Variants in SYNPO2L observed in about 807,000 individuals in gnomAD.
The protein encoded by SYNPO2L is synaptopodin 2-like protein.
In SYNPO2L, 34 loss-of-function variants were observed where a neutral mutation model predicts 47.5. That is an observed-to-expected ratio of 0.72 (90% CI 0.54 to 0.95). The LOEUF (loss-of-function observed/expected upper bound fraction) is 0.95, where lower values mean the gene tolerates loss of function less well. Among genes scored for constraint, SYNPO2L ranks in the 40% least tolerant of loss-of-function variants. SYNPO2L has a pLI of 0.00. For missense variants in SYNPO2L, 1,246 were observed against 1,282.0 expected, an observed-to-expected ratio of 0.97 and a Z score of 0.43; for synonymous variants, 536 against 524.9, an observed-to-expected ratio of 1.02 and a Z score of -0.29.
chr10:73,647,745 A>G lies in SYNPO2L; in HGVS notation c.1907T>C (p.Met636Thr), dbSNP rs978401458. Residue 636 changes from methionine to threonine, a missense_variant, in exon 4 of 4, where the codon ATG becomes ACG. Physicochemically the swap from Met to Thr is moderately conservative, Grantham distance 81 (BLOSUM62 -1). Coordinates refer to ENST00000394810, the MANE Select transcript of SYNPO2L (RefSeq NM_001114133.3). ...EARRRGTRKQMFRPGKEETKN... is the reference protein window; with the variant it reads ...EARRRGTRKQTFRPGKEETKN... The stretch of plus-strand genomic sequence containing the variant: ...CGTCTCCTCCTTTCCCGGCCGGAAC[A>G]TCTGCTTCCGGGTCCCCCGGCGCCG... The G allele has an allele frequency of 6.2e-7, 1 of 1,613,928 alleles. No individual in the cohort carries two copies. The highest frequency in any genetic ancestry group is 8.5e-7 in the Non-Finnish European group (1 of 1,179,896).
intron 2 of SYNPO2L, 105 bp from the exon 3 acceptor site, chr10:73,653,758 G>A: frequency 7.3e-7 from 1 of 1,378,944 alleles, no homozygotes; most frequent in Non-Finnish European, 9.6e-7. Flanking sequence ...AAGAGGTAAG[G>A]GAGAGAGAAG....
Position 73,655,871 on chromosome 10 carries a change from C to T in SYNPO2L, c.52G>A (p.Gly18Ser), listed in dbSNP as rs1489282964. The change falls in exon 1 of 4, where the codon GGC becomes AGC. Residue 18 changes from glycine to serine, a missense_variant. Physicochemically the swap from Gly to Ser is moderately conservative, Grantham distance 56. Around this residue, in one of 3 missense-constraint regions of SYNPO2L, gnomAD observed 61 missense variants for 55.6 expected, o/e 1.10. Transcript: ENST00000394810. ...LVTLSGGAPW[G>S]FRLHGGAEQR... ...TCGGCCCCCCCATGAAGTCGGAAGC[C>T]CCAGGGGGCTCCCCCTGATAGTGTG... 6.4e-7 allele frequency: 1 copy of T among 1,551,326 alleles called. No homozygotes were observed. Among genetic ancestry groups the T allele is most frequent in the Admixed American group, 2.0e-5 (1 of 50,954 alleles).
At chr10:73,649,590 C>T (rs995131343) in intron 3 of SYNPO2L, 4 of 465,748 alleles carry the variant, frequency 8.6e-6, no homozygotes, top group African/African-American at 8.5e-5. Flanking sequence ...CCCCAGCTTA[C>T]ATACAGCTCC....
Position 73,647,784 on chromosome 10 carries a change from A to T in SYNPO2L, c.1868T>A (p.Ile623Asn). ...RISVPAARTGILQEARRRGTR... is the reference protein window; with the variant it reads ...RISVPAARTGNLQEARRRGTR... ...CCCCCGGCGCCGGGCCTCCTGCAGG[A>T]TACCCGTGCGGGCAGCTGGCACAGA... Residue 623 changes from isoleucine (I) to asparagine (N), a missense_variant, in exon 4 of 4, where the codon ATC (isoleucine) becomes AAC (asparagine). Transcript: ENST00000394810. 6.2e-7 allele frequency: 1 copy of T among 1,612,198 alleles called. No individual in the cohort carries two copies. The highest frequency in any genetic ancestry group is 8.5e-7 in the Non-Finnish European group (1 of 1,178,786).
In SYNPO2L at chr10:73,653,220, G is replaced by A; in HGVS notation, c.691C>T (p.Leu231Phe). The A allele has an allele frequency of 6.6e-7, 1 of 1,512,304 alleles. No homozygotes were observed. Among genetic ancestry groups the A allele is most frequent in the South Asian group, 1.3e-5 (1 of 77,294 alleles). The allele number at this position is 1,512,304 out of a possible 1,614,324, so 93.7% of individuals were successfully genotyped here. ...PHGPLRPGPH[L>F]IPMVGPVPHP... ...GGAACAGGCCCCACCATAGGGATGA[G>A]ATGAGGACCAGGTCGGAGGGGGCCA... The change falls in exon 3 of 4, where the codon CTC becomes TTC. Residue 231 changes from leucine to phenylalanine, a missense_variant. By Grantham distance (22) the Leu-to-Phe change is conservative. This residue lies in a region of SYNPO2L where 1,037 missense variants were observed against 1,021.5 expected (regional missense o/e 1.02). Coordinates refer to ENST00000394810, the MANE Select transcript of SYNPO2L (RefSeq NM_001114133.3).
chr10:73,651,082 T>C lies in SYNPO2L; in HGVS notation c.772+2057A>G, dbSNP rs947115119. On this transcript the variant is annotated intron_variant, in intron 3 of 3. Transcript: ENST00000394810. ...CACGCCTTTTAAAGCCCCTTTGTCT[T>C]GTCCCCAGAGCTGGCAGCTGAATGA... 4 of 1,505,904 alleles carry C rather than the reference T, an allele frequency of 2.7e-6. No individual in the cohort carries two copies. In the Admixed American group the frequency reaches 8.8e-5, roughly 33 times the overall value. The allele number at this position is 1,505,904 out of a possible 1,614,324, so 93.3% of individuals were successfully genotyped here. A position where few individuals can be genotyped will look rare whatever the true frequency, so the allele number is the denominator to read the frequency against.
At chr10:73,649,830 C>T in intron 3 of SYNPO2L, 1 of 985,410 alleles carries the variant, frequency 1.0e-6, no homozygotes, top group South Asian at 4.7e-5. Flanking sequence ...TAGTCTCCAT[C>T]CAAGATGCAG....
rs1178487188 is a variant in SYNPO2L at position 73,646,748 on chromosome 10, A to G, written c.2904T>C (p.His968=). 2 of 1,508,470 alleles carry G rather than the reference A, an allele frequency of 1.3e-6. No homozygotes were observed. The highest frequency in any genetic ancestry group is 2.3e-5 in the Admixed American group (1 of 43,940). 93.4% of individuals were successfully genotyped at this position (1,508,470 alleles called of 1,614,324 possible). Residue 968 remains histidine, a synonymous_variant, in exon 4 of 4, where the codon CAT becomes CAC. Transcript: ENST00000394810. Reference sequence around the variant, plus strand: ...GGTGCCCTGCCCCAGGCCTCCACACATGAGCTTGCAATCCTGTTCTGGTGG... The same window carrying G: ...GGTGCCCTGCCCCAGGCCTCCACACGTGAGCTTGCAATCCTGTTCTGGTGG... ...FSATRTGLQA[H]VWRPGAGHQ
intron 3 of SYNPO2L, among the ~76,000 whole-genome samples, chr10:73,652,682 A>G (rs2081850984): frequency 6.6e-6 from 1 of 151,922 alleles, no homozygotes; most frequent in African/African-American, 2.4e-5. Context: ...AAAAACAAAA[A>G]ACAAAACAAA....
rs2081765162 is a variant in SYNPO2L at position 73,647,172 on chromosome 10, G to A, written c.2480C>T (p.Thr827Ile). 6.2e-7 allele frequency: 1 copy of A among 1,613,874 alleles called. No homozygotes were observed. The highest frequency in any genetic ancestry group is 1.3e-5 in the African/African-American group (1 of 74,902). The change falls in exon 4 of 4, where the codon ACT becomes ATT. Residue 827 changes from threonine (T) to isoleucine (I), a missense_variant. Thr to Ile is a moderately conservative substitution (Grantham distance 89). Coordinates refer to ENST00000394810, the MANE Select transcript of SYNPO2L (RefSeq NM_001114133.3). ...CCCCTGGGATTGGGCCTTAGGGAGA[G>A]TTCGGGCCGCCTGGGGGAAAAAGGG... ...LSPFFPQAARTLPKAQSQGPR... is the reference protein window; with the variant it reads ...LSPFFPQAARILPKAQSQGPR...
rs142904487 is a variant in SYNPO2L at position 73,646,046 on chromosome 10, G to C, written c.*672C>G. On this transcript the variant is annotated 3_prime_UTR_variant, in exon 4 of 4. Coordinates refer to ENST00000394810, the MANE Select transcript of SYNPO2L (RefSeq NM_001114133.3). ...TCACCGTGTTAGCCAGGATGGTCTC[G>C]ATCTCCTGACCTCGTGATCCGCCCG... The C allele has an allele frequency of 1.3e-5, 13 of 965,802 alleles. No homozygotes were observed. The African/African-American group carries it at 1.6e-4, about 12-fold the overall frequency. The allele number at this position is 965,802 out of a possible 1,614,324, so 59.8% of individuals were successfully genotyped here.
chr10:73,655,473 G>C (rs969217440), intron 1 of SYNPO2L, among the ~76,000 whole-genome samples: 1 of 152,068 alleles, frequency 6.6e-6, no homozygotes, highest in Non-Finnish European at 1.5e-5. Context: ...AACCTTCCCC[G>C]TATTTCTGGA....
intron 3 of SYNPO2L, chr10:73,650,649 C>A (rs555304527): frequency 2.5e-5 from 24 of 944,506 alleles, no homozygotes; most frequent in African/African-American, 1.6e-4. Context: ...CACATACATG[C>A]CTTCATGTAT....
At chr10:73,651,063 T>G in intron 3 of SYNPO2L, 1 of 1,550,888 alleles carries the variant, frequency 6.4e-7, no homozygotes, top group Non-Finnish European at 8.7e-7. Context: ...CCCCCACGCC[T>G]TTTAAAGCCC....
chr10:73,655,706 ATCTTCACAGCCT>A, intron 1 of SYNPO2L, 100 bp downstream of exon 1: 1 of 20,790 alleles, frequency 4.8e-5, no homozygotes, highest in Non-Finnish European at 1.0e-4. Flanking sequence ...CACCCACCCC[ATCTTCACAGCCT>A]CCCACCCCCC....
In SYNPO2L at chr10:73,648,741, C is replaced by T. The variant is rs371416475; in HGVS notation, c.911G>A (p.Arg304Lys). ...GCTCACCAGGGTGTACTTCTTGGCT[C>T]TCTGCCGCCGTTTCTTAAACATAAG... is the stretch of plus-strand genomic sequence containing the variant. ...GVLMFKKRRQ[R>K]AKKYTLVSFG... The change falls in exon 4 of 4, where the codon AGA (arginine) becomes AAA (lysine). Residue 304 changes from arginine (R) to lysine (K), a missense_variant. Physicochemically the swap from Arg to Lys is conservative, Grantham distance 26 (BLOSUM62 2). This residue lies in a region of SYNPO2L where 1,037 missense variants were observed against 1,021.5 expected (regional missense o/e 1.02). Coordinates refer to ENST00000394810, the MANE Select transcript of SYNPO2L (RefSeq NM_001114133.3). 4.3e-6 allele frequency: 7 copies of T among 1,612,394 alleles called. No homozygotes were observed. In the African/African-American group the frequency reaches 9.3e-5, roughly 22 times the overall value.
At position 73,653,132 on chromosome 10, in the gene SYNPO2L, C is replaced by A. The variant is rs2081853644; in HGVS notation, c.772+7G>T. On this transcript the variant is annotated splice_region_variant and intron_variant, in intron 3 of 3. Coordinates refer to ENST00000394810, the MANE Select transcript of SYNPO2L (RefSeq NM_001114133.3). Reference sequence around the variant, plus strand: ...CCTGGCTGGGGAAAAGGGGTTCAGGCACTCACTGGCTTGCTTGGCCTTCTG... The same window carrying A: ...CCTGGCTGGGGAAAAGGGGTTCAGGAACTCACTGGCTTGCTTGGCCTTCTG... 2.1e-6 allele frequency: 3 copies of A among 1,445,800 alleles called. No individual in the cohort carries two copies. Among genetic ancestry groups the A allele is most frequent in the Non-Finnish European group, 2.7e-6 (3 of 1,095,482 alleles). The allele number at this position is 1,445,800 out of a possible 1,614,324, so 89.6% of individuals were successfully genotyped here. A position where few individuals can be genotyped will look rare whatever the true frequency, so the allele number is the denominator to read the frequency against.
At chr10:73,655,288 C>T (rs1338943668) in intron 1 of SYNPO2L, among the ~76,000 whole-genome samples, 3 of 152,228 alleles carry the variant, frequency 2.0e-5, no homozygotes, top group Admixed American at 6.5e-5. Context: ...CAGATCTTGC[C>T]ATAACCCTCC....
intron 3 of SYNPO2L, chr10:73,649,704 C>G: frequency 1.0e-6 from 1 of 985,340 alleles, no homozygotes; most frequent in Non-Finnish European, 1.2e-6. Flanking sequence ...TTCCCAGAGA[C>G]CTCCCTGCAG....
Sources: allele counts gnomAD v4.1 joint callset (sites outside exome capture counted in the v4.1 genomes callset), GRCh38; gene constraint gnomAD v4.1.1; regional missense constraint gnomAD v4.1.1; transcripts MANE v1.5; gene names NCBI Gene and HGNC (gene_info 2026-07-23, HGNC 2026-07-21).